Variants in VWA5B1 observed in about 807,000 individuals in gnomAD.
The protein encoded by VWA5B1 is von Willebrand factor A domain containing 5B1.
Under a neutral mutation model 118.2 loss-of-function variants are expected in VWA5B1, and 115 were observed. The observed-to-expected ratio is 0.97, with a 90% CI of 0.84 to 1.14. VWA5B1 has a LOEUF of 1.14. Ranked by LOEUF, VWA5B1 falls within the 50% of genes most tolerant of loss-of-function variation. The probability of loss-of-function intolerance (pLI) is 0.00; values close to 1 mark genes in which losing one functional copy is unlikely to be tolerated. For synonymous variants in VWA5B1, 682 were observed against 658.4 expected (o/e 1.04, Z -0.55); for missense variants, 1,596 against 1,603.8 (o/e 1.00, Z 0.08).
At chr1:20,352,033 C>A in intron 20 of VWA5B1, 22 bp from the exon 21 acceptor site, 1 of 1,543,776 alleles carries the variant, frequency 6.5e-7, no homozygotes, top group Non-Finnish European at 8.8e-7. Flanking sequence ...ATGCCCAGGG[C>A]CACCTGACTT....
intron 7 of VWA5B1, among the ~76,000 whole-genome samples, chr1:20,321,113 C>CAAAAAAAAAAAA (rs4062863): frequency 1.1e-5 from 1 of 94,190 alleles, no homozygotes; most frequent in African/African-American, 4.3e-5. Flanking sequence ...GTAACAGAGG[C>CAAAAAAAAAAAA]AAAAAAAAAA....
At position 20,342,611 on chromosome 1, in the gene VWA5B1, T is replaced by C; in HGVS notation, c.2311+2T>C. ...ACAGCCGAAGCCCTGGAGATCTGGG[T>C]AAGTGACCACAGGGTCCAGGACCCA... On this transcript the variant is annotated splice_donor_variant, in intron 15 of 21. Transcript: ENST00000289815. LOFTEE classifies it high-confidence loss of function. The C allele has an allele frequency of 6.8e-7, 1 of 1,477,106 alleles. No homozygotes were observed. Among genetic ancestry groups the C allele is most frequent in the Non-Finnish European group, 9.0e-7 (1 of 1,114,494 alleles). 91.5% of individuals were successfully genotyped at this position (1,477,106 alleles called of 1,614,324 possible).
intron 1 of VWA5B1, among the ~76,000 whole-genome samples, chr1:20,302,253 C>G (rs1010123130): frequency 6.6e-6 from 1 of 152,108 alleles, no homozygotes; most frequent in African/African-American, 2.4e-5. Flanking sequence ...CCCCTGCCCC[C>G]ACCAAAGGAG....
At position 20,356,756 on chromosome 1, in the gene VWA5B1, A is replaced by G. The variant is rs1048671485; in HGVS notation, c.*2493A>G. On this transcript the variant is annotated 3_prime_UTR_variant, in exon 22 of 22. Transcript: ENST00000289815. ...CCCTGGCTCCCCTGCCCAGCCCCAA[A>G]GGTGCAGAAGAACAAATCTTCATTG... 6.6e-6 allele frequency among the ~76,000 whole-genome samples: 1 copy of G among 152,204 alleles called. No individual in the cohort carries two copies. Among genetic ancestry groups the G allele is most frequent in the Non-Finnish European group, 1.5e-5 (1 of 68,034 alleles).
chr1:20,338,113 G>C, intron 14 of VWA5B1: 2 of 580,170 alleles, frequency 3.4e-6, no homozygotes, highest in South Asian at 3.0e-5. Context: ...CTTTATAGCA[G>C]ACCTGGGGGA....
chr1:20,319,644 A>G, intron 7 of VWA5B1, 138 bp downstream of exon 7: 1 of 1,329,524 alleles, frequency 7.5e-7, no homozygotes, highest in Non-Finnish European at 1.0e-6. Context: ...CCAGGCAAGA[A>G]GTGTTTCCTT....
At chr1:20,350,068 A>G in intron 18 of VWA5B1, 88 bp from the exon 19 acceptor site, 1 of 1,352,822 alleles carries the variant, frequency 7.4e-7, no homozygotes, top group Non-Finnish European at 1.0e-6. Context: ...ACCTGCAGAC[A>G]CCGTGAATTA....
At chr1:20,338,108 T>C in intron 14 of VWA5B1, 2 of 588,910 alleles carry the variant, frequency 3.4e-6, no homozygotes, top group Non-Finnish European at 3.2e-6. Flanking sequence ...TTTGACTTTA[T>C]AGCAGACCTG....
chr1:20,327,921 T>C lies in VWA5B1; in HGVS notation c.1175T>C (p.Met392Thr), dbSNP rs2089436950. The change falls in exon 9 of 22, where the codon ATG becomes ACG. Residue 392 changes from methionine (M) to threonine (T), a missense_variant. By Grantham distance (81) the Met-to-Thr change is moderately conservative (BLOSUM62 -1). Transcript: ENST00000289815. ...DAMLVALKSL[M>T]PACLFNIIGF... ...ATGTTGGTGGCCCTTAAGAGCCTCA[T>C]GCCAGCCTGCCTCTTCAATATCATT... 2.6e-6 allele frequency: 4 copies of C among 1,551,648 alleles called. No homozygotes were observed. The South Asian group carries it at 3.6e-5, about 14-fold the overall frequency.
chr1:20,324,638 C>T (rs946521497), intron 8 of VWA5B1, among the ~76,000 whole-genome samples: 2 of 152,112 alleles, frequency 1.3e-5, no homozygotes, highest in African/African-American at 4.8e-5. Context: ...GGGGCTCTGC[C>T]GTCACCTGAA....
chr1:20,334,301 C>T (rs930718763), intron 12 of VWA5B1, among the ~76,000 whole-genome samples: 7 of 152,100 alleles, frequency 4.6e-5, no homozygotes, highest in African/African-American at 1.2e-4. Context: ...TTGCACAGTC[C>T]GGGCCTTCCT....
chr1:20,332,634 T>A (rs1221040779), intron 11 of VWA5B1, 132 bp from the exon 12 acceptor site: 7 of 908,832 alleles, frequency 7.7e-6, no homozygotes, highest in African/African-American at 5.0e-5. Context: ...TGCTCAGTGC[T>A]AGGCAAGTCA....
rs373486522 is a variant in VWA5B1, at chr1:20,301,124, C to T, written c.-26-9452C>T. 5.6e-4 allele frequency among the ~76,000 whole-genome samples: 85 copies of T among 152,378 alleles called. 1 individual carries two copies. In the East Asian group the frequency reaches 0.01, roughly 18 times the overall value. On this transcript the variant is annotated intron_variant, in intron 1 of 21. Transcript: ENST00000289815. ...GGCAATGAATGTATTCTTTAGCCAA[C>T]ATCTAGGCAGGGGGCCCTGGGATGG... is the stretch of plus-strand genomic sequence containing the variant.
At chr1:20,318,481 G>T in intron 5 of VWA5B1, 109 bp from the exon 6 acceptor site, 1 of 1,484,026 alleles carries the variant, frequency 6.7e-7, no homozygotes. Context: ...GCCCCTAACG[G>T]GGCTGGCATG....
chr1:20,352,995 G>A (rs1364520176), intron 21 of VWA5B1, among the ~76,000 whole-genome samples: 3 of 152,202 alleles, frequency 2.0e-5, no homozygotes, highest in Non-Finnish European at 4.4e-5. Context: ...GTGGCAATGG[G>A]AGAGGTCTGG....
At position 20,348,293 on chromosome 1, in the gene VWA5B1, G is replaced by A. The variant is rs2090050903; in HGVS notation, c.2813G>A (p.Arg938Lys). ...TCTCGGGCCCTGGCCCAACAGTGGA[G>A]GGGCACCTCTTCTGGCTTTGGAAGG... ...LGSRALAQQW[R>K]GTSSGFGRPQ... Residue 938 changes from arginine (R) to lysine (K), a missense_variant, in exon 18 of 22, where the codon AGG (arginine) becomes AAG (lysine). Physicochemically the swap from Arg to Lys is conservative, Grantham distance 26. Coordinates refer to ENST00000289815, the MANE Select transcript of VWA5B1 (RefSeq NM_001039500.3). 2 of 1,551,694 alleles carry A rather than the reference G, an allele frequency of 1.3e-6. No homozygotes were observed. Among genetic ancestry groups the A allele is most frequent in the Non-Finnish European group, 8.7e-7 (1 of 1,147,006 alleles).
rs779993541 is a variant in VWA5B1, at chr1:20,352,138, C to T, written c.3107C>T (p.Thr1036Ile). ...CCACTGATCAAAGCTGTGGAGTCGACCTCCGGGAACCAGAGCTTCGACTAC... is the reference window on the plus strand; with the variant it reads ...CCACTGATCAAAGCTGTGGAGTCGATCTCCGGGAACCAGAGCTTCGACTAC... ...SKPLIKAVES[T>I]SGNQSFDYIP... is the part of the protein sequence containing the mutation. Residue 1036 changes from threonine (T) to isoleucine (I), a missense_variant, in exon 21 of 22, where the codon ACC becomes ATC. Physicochemically the swap from Thr to Ile is moderately conservative, Grantham distance 89 (BLOSUM62 -1). Coordinates refer to ENST00000289815, the MANE Select transcript of VWA5B1 (RefSeq NM_001039500.3). 8 of 1,551,406 alleles carry T rather than the reference C, an allele frequency of 5.2e-6. No homozygotes were observed. Among genetic ancestry groups the T allele is most frequent in the Non-Finnish European group, 7.0e-6 (8 of 1,146,926 alleles).
intron 1 of VWA5B1, among the ~76,000 whole-genome samples, chr1:20,296,470 T>A (rs1414415720): frequency 2.0e-5 from 3 of 152,184 alleles, no homozygotes; most frequent in African/African-American, 7.2e-5. Context: ...AACCTGGCAT[T>A]TAGGCCAGAG....
intron 14 of VWA5B1, among the ~76,000 whole-genome samples, chr1:20,342,177 T>C (rs2089892160): frequency 6.6e-6 from 1 of 151,872 alleles, no homozygotes; most frequent in Non-Finnish European, 1.5e-5. Flanking sequence ...TGTATGATTT[T>C]CCATGGCTTT....
Sources: allele counts gnomAD v4.1 joint callset (sites outside exome capture counted in the v4.1 genomes callset), GRCh38; gene constraint gnomAD v4.1.1; transcripts MANE v1.5; gene names NCBI Gene and HGNC (gene_info 2026-07-23, HGNC 2026-07-21).